TMEM50A: variants seen among roughly 807,000 people sequenced by gnomAD.
TMEM50A encodes the protein transmembrane protein 50A, also known as cervical cancer oncogene 9.
A neutral mutation model predicts 23.9 loss-of-function variants in TMEM50A; 8 were observed. The observed-to-expected ratio is 0.33, with a 90% confidence interval of 0.20 to 0.60. The LOEUF is 0.60. TMEM50A is among the 20% of genes least tolerant of loss of function. The pLI is 0.81. For synonymous variants in TMEM50A, 55 were observed against 60.4 expected, an observed-to-expected ratio of 0.91 and a Z score of 0.41; for missense variants, 178 against 192.7, an observed-to-expected ratio of 0.92 and a Z score of 0.45.
In TMEM50A at chr1:25,356,797, A is replaced by C; in HGVS notation, c.372A>C (p.Lys124Asn). ...ILFGGYVAKEKDIVYPGIAVF... is the reference protein window; with the variant it reads ...ILFGGYVAKENDIVYPGIAVF... The stretch of plus-strand genomic sequence containing the variant: ...ACACTGCAATTATTTTTACAGAAAA[A>C]GACATAGTATACCCTGGAATTGCTG... Residue 124 changes from lysine (K) to asparagine (N), a missense_variant, in exon 6 of 7, where the codon AAA becomes AAC. Transcript: ENST00000374358. 1 of 1,582,500 alleles carries C rather than the reference A, an allele frequency of 6.3e-7. No individual in the cohort carries two copies. The highest frequency in any genetic ancestry group is 1.2e-5 in the South Asian group (1 of 84,272).
chr1:25,357,795 G>A (rs1645351041), intron 6 of TMEM50A, among the ~76,000 whole-genome samples: 3 of 151,224 alleles, frequency 2.0e-5, no homozygotes, highest in South Asian at 2.1e-4. Context: ...ACGCCACCAC[G>A]CCTGGCTATT....
At chr1:25,356,716 A>C in intron 5 of TMEM50A, 77 bp from the exon 6 acceptor site, 1 of 1,079,448 alleles carries the variant, frequency 9.3e-7, no homozygotes. Flanking sequence ...TAGGCAGGAA[A>C]ACTGGTATTT....
Position 25,361,541 on chromosome 1 carries a change from T to C in TMEM50A, c.*836T>C, listed in dbSNP as rs1460315111. 6.6e-6 allele frequency: 1 copy of C among 152,254 alleles called. No homozygotes were observed. Among genetic ancestry groups the C allele is most frequent in the Non-Finnish European group, 1.5e-5 (1 of 68,094 alleles). The allele number at this position is 152,254 out of a possible 1,614,324, so 9.4% of individuals were successfully genotyped here. On this transcript the variant is annotated 3_prime_UTR_variant, in exon 7 of 7. Coordinates refer to ENST00000374358, the MANE Select transcript of TMEM50A (RefSeq NM_014313.4). ...TCTGTGTACTGAACCACTAGCCTAA[T>C]AGACCAGCACGGTCAACTAGAATGA...
intron 5 of TMEM50A, among the ~76,000 whole-genome samples, chr1:25,356,377 G>A (rs937697373): frequency 3.3e-5 from 5 of 152,020 alleles, no homozygotes; most frequent in African/African-American, 9.7e-5. Flanking sequence ...CACTTCCTGC[G>A]TGTCCTTACT....
At chr1:25,359,881 A>G (rs919176747) in intron 6 of TMEM50A, among the ~76,000 whole-genome samples, 5 of 152,110 alleles carry the variant, frequency 3.3e-5, no homozygotes, top group Non-Finnish European at 1.5e-5. Flanking sequence ...ATTCAGGGTG[A>G]CCGAATTCTG....
rs556021714 is a variant in TMEM50A at position 25,341,151 on chromosome 1, A to G, written c.93+572A>G. ...CTTCAGATCCCTCAAGGGATCTGCT[A>G]TTAGTTTTTTATGATCATATGGTGT... On this transcript the variant is annotated intron_variant, in intron 2 of 6. Transcript: ENST00000374358. Among the ~76,000 whole-genome samples the G allele has an allele frequency of 6.6e-5, 10 of 152,226 alleles. No individual in the cohort carries two copies. The South Asian group carries it at 1.7e-3, about 25-fold the overall frequency.
chr1:25,343,125 A>C (rs1189133077), intron 3 of TMEM50A, 52 bp downstream of exon 3: 1 of 1,378,652 alleles, frequency 7.3e-7, no homozygotes, highest in African/African-American at 1.4e-5. Flanking sequence ...CAAAATAAAA[A>C]TGTTTCAAAT....
At chr1:25,345,977 C>T (rs1318130105) in intron 3 of TMEM50A, among the ~76,000 whole-genome samples, 5 of 151,482 alleles carry the variant, frequency 3.3e-5, no homozygotes, top group South Asian at 2.1e-4. Flanking sequence ...TCTGTAGAGA[C>T]GGGTTTCACC....
At chr1:25,353,740 C>A (rs1294442329) in intron 5 of TMEM50A, among the ~76,000 whole-genome samples, 1 of 152,056 alleles carries the variant, frequency 6.6e-6, no homozygotes, top group Non-Finnish European at 1.5e-5. Context: ...CCTTGAGGGA[C>A]CCTAGAAAAA....
Position 25,356,853 on chromosome 1 carries a change from GGTAA to G in TMEM50A, c.428+3_428+6del. 1 of 1,575,028 alleles carries G rather than the reference GGTAA, an allele frequency of 6.3e-7. No individual in the cohort carries two copies. The highest frequency in any genetic ancestry group is 8.6e-7 in the Non-Finnish European group (1 of 1,164,346). ...TTCCAGAATGCCTTCATCTTTTTTG[GGTAA>G]GTTTGTTTTGCATTCTTTATGTTTG... On this transcript the variant is annotated splice_donor_variant and splice_donor_region_variant and intron_variant, in intron 6 of 6. Transcript: ENST00000374358. LOFTEE classifies it high-confidence loss of function.
Position 25,354,353 on chromosome 1 carries a change from G to A in TMEM50A, c.367+1379G>A, listed in dbSNP as rs3093622. On this transcript the variant is annotated intron_variant, in intron 5 of 6. Transcript: ENST00000374358. Reference sequence around the variant, plus strand: ...TAGAAAATAAAAAAGGGTGGGTGCAGTGTAATCCCAGCACTTCAGGAGGCC... The same window carrying A: ...TAGAAAATAAAAAAGGGTGGGTGCAATGTAATCCCAGCACTTCAGGAGGCC... Among the ~76,000 whole-genome samples the A allele has an allele frequency of 9.1e-3, 1,393 of 152,248 alleles. 9 individuals are homozygous for A. Among genetic ancestry groups the A allele is most frequent in the Middle Eastern group, 0.02 (6 of 294 alleles).
chr1:25,356,750 T>C, intron 5 of TMEM50A, 43 bp from the exon 6 acceptor site: 1 of 1,409,192 alleles, frequency 7.1e-7, no homozygotes, highest in South Asian at 1.3e-5. Flanking sequence ...AAACTAAATG[T>C]TTTGAGATCA....
At chr1:25,344,337 TC>T (rs1196097717) in intron 3 of TMEM50A, among the ~76,000 whole-genome samples, 3 of 152,174 alleles carry the variant, frequency 2.0e-5, no homozygotes, top group Non-Finnish European at 4.4e-5. Flanking sequence ...ATAGGAGCAT[TC>T]CTGTTGAAAA....
intron 5 of TMEM50A, among the ~76,000 whole-genome samples, chr1:25,355,716 AC>A (rs1645326605): frequency 6.6e-6 from 1 of 152,224 alleles, no homozygotes; most frequent in Non-Finnish European, 1.5e-5. Flanking sequence ...TTGACAGTTC[AC>A]CTATTTATTG....
intron 6 of TMEM50A, among the ~76,000 whole-genome samples, chr1:25,358,900 G>T (rs1645364371): frequency 6.6e-6 from 1 of 152,168 alleles, no homozygotes; most frequent in Non-Finnish European, 1.5e-5. Context: ...GATTACAGGC[G>T]CATGCCACCA....
chr1:25,351,005 C>CA (rs1358002643), intron 3 of TMEM50A, among the ~76,000 whole-genome samples: 1 of 150,886 alleles, frequency 6.6e-6, no homozygotes, highest in Non-Finnish European at 1.5e-5. Context: ...ACTAAAAATA[C>CA]AAAAAAAATT....
chr1:25,360,087 C>T (rs893065687), intron 6 of TMEM50A, among the ~76,000 whole-genome samples: 4 of 152,124 alleles, frequency 2.6e-5, no homozygotes, highest in African/African-American at 4.8e-5. Context: ...CAGTGGCTCA[C>T]GCCTGTAATC....
intron 2 of TMEM50A, among the ~76,000 whole-genome samples, 197 bp downstream of exon 2, chr1:25,340,776 T>A (rs532279685): frequency 3.9e-4 from 59 of 152,328 alleles, no homozygotes; most frequent in African/African-American, 1.2e-3. Context: ...TAACAAGTGG[T>A]TGGGTTGTTT....
At chr1:25,357,646 GTGT>G (rs1645349651) in intron 6 of TMEM50A, among the ~76,000 whole-genome samples, 1 of 150,594 alleles carries the variant, frequency 6.6e-6, no homozygotes, top group Non-Finnish European at 1.5e-5. Context: ...GTGTGTGTGT[GTGT>G]TGTTTTGAGA....
Sources: allele counts gnomAD v4.1 joint callset (sites outside exome capture counted in the v4.1 genomes callset), GRCh38; gene constraint gnomAD v4.1.1; transcripts MANE v1.5; gene names NCBI Gene and HGNC (gene_info 2026-07-23, HGNC 2026-07-21).